SIMC1: variants seen among roughly 807,000 people sequenced by gnomAD.
The protein encoded by SIMC1 is SUMO interacting motifs containing 1, also known as SUMO-interacting motif-containing protein 1.
A neutral mutation model predicts 82.3 loss-of-function variants in SIMC1; 55 were observed. That is an observed-to-expected ratio of 0.67 (90% confidence interval 0.54 to 0.84). The LOEUF (loss-of-function observed/expected upper bound fraction) is 0.84. SIMC1 is among the 40% of genes least tolerant of loss of function. The probability of loss-of-function intolerance (pLI) is 0.00; values close to 1 mark genes in which losing one functional copy is unlikely to be tolerated. For missense variants in SIMC1, 915 were observed against 1,107.2 expected, an observed-to-expected ratio of 0.83 and a Z score of 2.46; for synonymous variants, 353 against 426.3, an observed-to-expected ratio of 0.83 and a Z score of 2.12.
intron 1 of SIMC1, among the ~76,000 whole-genome samples, chr5:176,287,423 G>A (rs1763338645): frequency 6.6e-6 from 1 of 152,160 alleles, no homozygotes; most frequent in Admixed American, 6.6e-5. Flanking sequence ...GGTGGGAATT[G>A]AACAATGAGA....
intron 1 of SIMC1, among the ~76,000 whole-genome samples, chr5:176,272,048 GA>G (rs1014631308): frequency 1.4e-5 from 2 of 143,658 alleles, no homozygotes; most frequent in African/African-American, 2.5e-5. Flanking sequence ...ATAAAAATTA[GA>G]AAAAAAACAA....
At chr5:176,280,029 T>C (rs932586305) in intron 1 of SIMC1, among the ~76,000 whole-genome samples, 2 of 152,142 alleles carry the variant, frequency 1.3e-5, no homozygotes, top group African/African-American at 4.8e-5. Flanking sequence ...TGGGTATCTT[T>C]GTTGACTTTC....
intron 9 of SIMC1, among the ~76,000 whole-genome samples, chr5:176,341,234 T>C (rs1766125225): frequency 1.3e-5 from 2 of 152,168 alleles, no homozygotes; most frequent in Non-Finnish European, 2.9e-5. Context: ...GCACTGAATG[T>C]CCAAGGGCCT....
rs1401295144 is a variant in SIMC1 at position 176,322,222 on chromosome 5, TC to T, written c.1890-50del. The T allele has an allele frequency of 2.7e-6, 4 of 1,507,130 alleles. No individual in the cohort carries two copies. In the African/African-American group the frequency reaches 5.7e-5, roughly 21 times the overall value. 93.4% of individuals were successfully genotyped at this position (1,507,130 alleles called of 1,614,324 possible). ...ACCTTTTCTTTCTTTATTTTTTTTT[TC>T]TGCACAGAAAAAGAAAGAATAAACC... is the stretch of plus-strand genomic sequence containing the variant. On this transcript the variant is annotated intron_variant, in intron 5 of 9. Coordinates refer to ENST00000429602, the MANE Select transcript of SIMC1 (RefSeq NM_001308195.2).
intron 1 of SIMC1, among the ~76,000 whole-genome samples, chr5:176,277,614 T>C (rs1002301020): frequency 8.5e-5 from 13 of 152,198 alleles, no homozygotes; most frequent in South Asian, 2.1e-4. Flanking sequence ...CTATCTTGAA[T>C]TGATTTTTGT....
At chr5:176,306,269 G>A (rs1488155252) in intron 4 of SIMC1, among the ~76,000 whole-genome samples, 5 of 114,884 alleles carry the variant, frequency 4.4e-5, no homozygotes, top group Non-Finnish European at 7.7e-5. Flanking sequence ...CCGGCCAGCC[G>A]CCCCGTCCGG....
intron 1 of SIMC1, among the ~76,000 whole-genome samples, chr5:176,251,792 C>T (rs1352974840): frequency 2.7e-5 from 4 of 150,682 alleles, no homozygotes; most frequent in Admixed American, 2.6e-4. Context: ...TCTTAACGAG[C>T]ATGCTGCCTT....
chr5:176,343,622 C>A (rs548011118), intron 9 of SIMC1, among the ~76,000 whole-genome samples: 14 of 152,262 alleles, frequency 9.2e-5, no homozygotes, highest in Non-Finnish European at 2.1e-4. Context: ...ACCTATTGAT[C>A]CATGTATATA....
At chr5:176,263,381 A>G (rs1762079922) in intron 1 of SIMC1, 4 of 1,490,088 alleles carry the variant, frequency 2.7e-6, no homozygotes, top group Admixed American at 2.2e-5. Context: ...AGTCATTTAT[A>G]AAGAAAAGAG....
intron 5 of SIMC1, among the ~76,000 whole-genome samples, chr5:176,315,382 C>T (rs893442396): frequency 2.0e-5 from 3 of 152,152 alleles, no homozygotes; most frequent in Admixed American, 1.3e-4. Flanking sequence ...GAAGGATCTG[C>T]CTCCATGACC....
intron 1 of SIMC1, among the ~76,000 whole-genome samples, chr5:176,273,626 G>T (rs927123645): frequency 2.6e-5 from 4 of 152,132 alleles, no homozygotes; most frequent in Non-Finnish European, 4.4e-5. Context: ...CTAGCATTAG[G>T]TATATCTCCC....
rs370484804 is a variant in SIMC1 at position 176,261,747 on chromosome 5, CA to C, written c.129+23120del. On this transcript the variant is annotated intron_variant, in intron 1 of 9. Coordinates refer to ENST00000429602, the MANE Select transcript of SIMC1 (RefSeq NM_001308195.2). ...TGGGTGACAGAGCAAGACTCTGTCTCAAAAAAAAAAGGAAAAAAAAAAGTTT... is the reference window on the plus strand; with the variant it reads ...TGGGTGACAGAGCAAGACTCTGTCTCAAAAAAAAAGGAAAAAAAAAAGTTT... Among the ~76,000 whole-genome samples, 20 of 121,020 alleles carry C rather than the reference CA, an allele frequency of 1.7e-4. No homozygotes were observed. The East Asian group carries it at 2.7e-3, about 16-fold the overall frequency. 79.4% of individuals were successfully genotyped at this position (121,020 alleles called of 152,430 possible).
chr5:176,243,126 TAAAC>T (rs1451557758), intron 1 of SIMC1, among the ~76,000 whole-genome samples: 2 of 152,114 alleles, frequency 1.3e-5, no homozygotes, highest in African/African-American at 4.8e-5. Context: ...AGATAGGCAG[TAAAC>T]AAACTAACAA....
At chr5:176,306,869 C>T (rs1764439401) in intron 4 of SIMC1, among the ~76,000 whole-genome samples, 1 of 151,112 alleles carries the variant, frequency 6.6e-6, no homozygotes, top group African/African-American at 2.4e-5. Context: ...CATGACCCTG[C>T]CAAATCCCCC....
intron 2 of SIMC1, among the ~76,000 whole-genome samples, chr5:176,294,436 G>A (rs772665496): frequency 1.3e-5 from 2 of 151,990 alleles, no homozygotes; most frequent in Non-Finnish European, 1.5e-5. Flanking sequence ...GTGCCACCAC[G>A]TCTGGCTAAT....
chr5:176,255,936 G>A (rs950483806), intron 1 of SIMC1, among the ~76,000 whole-genome samples: 4 of 152,046 alleles, frequency 2.6e-5, no homozygotes, highest in African/African-American at 7.2e-5. Context: ...AAGATATACC[G>A]TCTCAAGGAG....
At chr5:176,335,401 C>T (rs1038788945) in intron 7 of SIMC1, among the ~76,000 whole-genome samples, 1 of 151,266 alleles carries the variant, frequency 6.6e-6, no homozygotes, top group Admixed American at 6.6e-5. Context: ...CTCAGCCTCC[C>T]AAGTAGCTGG....
chr5:176,273,460 A>G (rs1262704319), intron 1 of SIMC1, among the ~76,000 whole-genome samples: 1 of 152,212 alleles, frequency 6.6e-6, no homozygotes, highest in East Asian at 1.9e-4. Context: ...CCAAAGGTAG[A>G]TAAAACCACA....
intron 4 of SIMC1, chr5:176,313,333 G>A: frequency 1.4e-6 from 2 of 1,477,232 alleles, no homozygotes; most frequent in Non-Finnish European, 9.0e-7. Flanking sequence ...ACTTCCCATG[G>A]CTGCCTCTTA....
Sources: allele counts gnomAD v4.1 joint callset (sites outside exome capture counted in the v4.1 genomes callset), GRCh38; gene constraint gnomAD v4.1.1; transcripts MANE v1.5; gene names NCBI Gene and HGNC (gene_info 2026-07-23, HGNC 2026-07-21).